The following SLC25A40 variants were observed in gnomAD, a reference collection of about 807,000 sequenced individuals.
The protein encoded by SLC25A40 is solute carrier family 25 member 40, also known as mitochondrial glutathione transporter SLC25A40.
In SLC25A40, 41 loss-of-function variants were observed where a neutral mutation model predicts 46.5. That is an observed-to-expected ratio of 0.88 (90% CI 0.69 to 1.14). The LOEUF is 1.14. Among genes scored for constraint, SLC25A40 ranks in the 50% most tolerant of loss-of-function variants. The pLI is 0.00. For synonymous variants in SLC25A40, 126 were observed against 127.5 expected, an observed-to-expected ratio of 0.99 and a Z score of 0.08; for missense variants, 386 against 393.6, an observed-to-expected ratio of 0.98 and a Z score of 0.16.
chr7:87,847,099 G>T lies in SLC25A40; in HGVS notation c.481C>A (p.Pro161Thr). ...ARFGAVTVIS[P>T]LELIRTKMQS... ...ATCTTGGTTCTAATCAATTCTAGTG[G>T]ACTTATCACAGTTACTGCACCAACT... Residue 161 changes from proline to threonine, a missense_variant, in exon 8 of 12, where the codon CCA becomes ACA. By Grantham distance (38) the Pro-to-Thr change is conservative. Transcript: ENST00000341119. 6.2e-7 allele frequency: 1 copy of T among 1,609,896 alleles called. No homozygotes were observed. Among genetic ancestry groups the T allele is most frequent in the Admixed American group, 1.7e-5 (1 of 59,262 alleles).
chr7:87,848,313 TC>T (rs1413809059), intron 6 of SLC25A40, among the ~76,000 whole-genome samples: 7 of 152,102 alleles, frequency 4.6e-5, no homozygotes, highest in African/African-American at 7.2e-5. Flanking sequence ...GGAACAAGAA[TC>T]ACTTGAACCT....
chr7:87,842,997 A>C (rs574309704), intron 9 of SLC25A40, among the ~76,000 whole-genome samples: 1 of 152,210 alleles, frequency 6.6e-6, no homozygotes, highest in Admixed American at 6.6e-5. Flanking sequence ...TTTAAAGTCA[A>C]CTGCTGTGGC....
At chr7:87,862,994 CT>C (rs1309080577) in intron 1 of SLC25A40, among the ~76,000 whole-genome samples, 1 of 152,174 alleles carries the variant, frequency 6.6e-6, no homozygotes, top group African/African-American at 2.4e-5. Flanking sequence ...AAGATGAGAT[CT>C]TGGTGGGGAT....
intron 7 of SLC25A40, 72 bp downstream of exon 7, chr7:87,847,781 A>C: frequency 6.9e-7 from 1 of 1,442,430 alleles, no homozygotes; most frequent in Non-Finnish European, 9.4e-7. Flanking sequence ...TATACAAATT[A>C]TCTGTGAATG....
At position 87,834,578 on chromosome 7, in the gene SLC25A40, C is replaced by T. The variant is rs1235175727; in HGVS notation, c.*1671G>A. ...AGGGGTAGGAGACATGGAAACCTTT[C>T]TCATACTTATAGGTGATATTAAACT... On this transcript the variant is annotated 3_prime_UTR_variant, in exon 12 of 12. Coordinates refer to ENST00000341119, the MANE Select transcript of SLC25A40 (RefSeq NM_018843.4). The T allele has an allele frequency of 6.6e-6, 1 of 151,536 alleles. No homozygotes were observed. Among genetic ancestry groups the T allele is most frequent in the African/African-American group, 2.4e-5 (1 of 41,350 alleles). The allele number at this position is 151,536 out of a possible 1,614,324, so 9.4% of individuals were successfully genotyped here. A position where few individuals can be genotyped will look rare whatever the true frequency, so the allele number is the denominator to read the frequency against.
At position 87,854,256 on chromosome 7, in the gene SLC25A40, T is replaced by G. The variant is rs535588988; in HGVS notation, c.212A>C (p.Glu71Ala). The change falls in exon 5 of 12, where the codon GAG (glutamate) becomes GCG (alanine). Residue 71 changes from glutamate to alanine, a missense_variant. Coordinates refer to ENST00000341119, the MANE Select transcript of SLC25A40 (RefSeq NM_018843.4). Reference sequence around the variant, plus strand: ...CTTATACCATAGTTTGTTGCCTCCCTCTTCACAGACACATAGATGATCCAT... The same window carrying G: ...CTTATACCATAGTTTGTTGCCTCCCGCTTCACAGACACATAGATGATCCAT... Reference protein sequence around the residue: ...GLMDHLCVCEEGGNKLWYKKP... With the variant: ...GLMDHLCVCEAGGNKLWYKKP... 1.7e-5 allele frequency: 28 copies of G among 1,613,510 alleles called. No individual in the cohort carries two copies. The African/African-American group carries it at 2.9e-4, about 17-fold the overall frequency.
chr7:87,844,257 GAAATGCAAAGGTATATAATACAAATCTTT>G, intron 8 of SLC25A40, among the ~76,000 whole-genome samples: 1 of 152,216 alleles, frequency 6.6e-6, no homozygotes, highest in African/African-American at 2.4e-5. Flanking sequence ...GGTTACCCCA[GAAATGCAAAGGTATATAATACAAATCTTT>G]AAATGTCATA....
intron 7 of SLC25A40, among the ~76,000 whole-genome samples, chr7:87,847,550 G>A (rs1838440152): frequency 6.6e-6 from 1 of 152,022 alleles, no homozygotes; most frequent in Non-Finnish European, 1.5e-5. Flanking sequence ...ACTTTGGCCT[G>A]AATCACGCAT....
chr7:87,837,002 G>C, intron 10 of SLC25A40, 192 bp from the exon 11 acceptor site: 2 of 331,708 alleles, frequency 6.0e-6, no homozygotes, highest in Non-Finnish European at 1.1e-5. Context: ...AACAGAAAAA[G>C]GCTGTATGTT....
intron 10 of SLC25A40, among the ~76,000 whole-genome samples, chr7:87,841,197 TAA>T (rs1485869916): frequency 6.8e-6 from 1 of 147,344 alleles, no homozygotes; most frequent in East Asian, 2.0e-4. Context: ...AATCAAAAAA[TAA>T]GAGAAAAAAG....
rs919918714 is a variant in SLC25A40, at chr7:87,833,921, A to G, written c.*2328T>C. 1 of 151,744 alleles carries G rather than the reference A, an allele frequency of 6.6e-6. No individual in the cohort carries two copies. Among genetic ancestry groups the G allele is most frequent in the Non-Finnish European group, 1.5e-5 (1 of 67,896 alleles). The allele number at this position is 151,744 out of a possible 1,614,324, so 9.4% of individuals were successfully genotyped here. A position where few individuals can be genotyped will look rare whatever the true frequency, so the allele number is the denominator to read the frequency against. On this transcript the variant is annotated 3_prime_UTR_variant, in exon 12 of 12. Coordinates refer to ENST00000341119, the MANE Select transcript of SLC25A40 (RefSeq NM_018843.4). ...AATAACCATAATGAATAGTTTTCCT[A>G]GAAAAAAAAATATTGCCTTTTAAAA...
intron 1 of SLC25A40, among the ~76,000 whole-genome samples, chr7:87,862,020 G>GA (rs911500090): frequency 6.6e-5 from 10 of 151,294 alleles, no homozygotes; most frequent in East Asian, 1.9e-4. Context: ...CAAAAATAAT[G>GA]AAAAAAAAGG....
chr7:87,854,153 T>C (rs371484903), intron 5 of SLC25A40, 51 bp downstream of exon 5: 4 of 1,222,476 alleles, frequency 3.3e-6, no homozygotes, highest in African/African-American at 1.5e-5. Flanking sequence ...ATTTCACATA[T>C]AAGATTAAAT....
chr7:87,836,411 T>C, intron 11 of SLC25A40, 50 bp from the exon 12 acceptor site: 5 of 1,153,932 alleles, frequency 4.3e-6, no homozygotes, highest in Non-Finnish European at 5.9e-6. Flanking sequence ...TCTTACCTTA[T>C]TTTTAAAAAT....
chr7:87,870,905 T>A (rs1380255917), intron 1 of SLC25A40, among the ~76,000 whole-genome samples: 1 of 152,136 alleles, frequency 6.6e-6, no homozygotes, highest in Non-Finnish European at 1.5e-5. Context: ...GTGCCACACA[T>A]GAACGTGTAA....
At chr7:87,848,160 TAGTA>T (rs1838450655) in intron 6 of SLC25A40, among the ~76,000 whole-genome samples, 183 bp from the exon 7 acceptor site, 1 of 152,242 alleles carries the variant, frequency 6.6e-6, no homozygotes, top group East Asian at 1.9e-4. Context: ...GTACTTAACT[TAGTA>T]GGCAGTAAAA....
At chr7:87,875,845 G>GC (rs1057514281) in intron 1 of SLC25A40, among the ~76,000 whole-genome samples, 4 of 152,120 alleles carry the variant, frequency 2.6e-5, no homozygotes, top group Non-Finnish European at 4.4e-5. Context: ...TCCCTCAGAC[G>GC]CCCCCCGGGG....
chr7:87,845,437 T>A (rs529030323), intron 8 of SLC25A40, among the ~76,000 whole-genome samples: 1 of 152,298 alleles, frequency 6.6e-6, no homozygotes, highest in South Asian at 2.1e-4. Context: ...AGAACTCTAT[T>A]GTTAACTGCG....
intron 1 of SLC25A40, among the ~76,000 whole-genome samples, chr7:87,869,946 A>C (rs1326325267): frequency 6.6e-6 from 1 of 152,168 alleles, no homozygotes; most frequent in African/African-American, 2.4e-5. Context: ...GTTGCTTCAC[A>C]TCCTTAACAA....
Sources: gnomAD v4.1 joint callset for allele counts (sites outside exome capture counted in the v4.1 genomes callset) on GRCh38, gnomAD v4.1.1 for gene constraint, MANE v1.5 for transcripts, NCBI Gene and HGNC (gene_info 2026-07-23, HGNC 2026-07-21) for gene names.